ITGB3: variants seen among roughly 807,000 people sequenced by gnomAD.
ITGB3 encodes the protein integrin beta-3.
Under a neutral mutation model 85.8 loss-of-function variants are expected in ITGB3, and 48 were observed. The ratio of observed to expected loss-of-function variants is 0.56; its 90% confidence interval spans 0.44 to 0.71. The LOEUF (loss-of-function observed/expected upper bound fraction) is 0.71, where lower values mean the gene tolerates loss of function less well. Ranked by LOEUF, ITGB3 falls within the 30% of genes least tolerant of loss-of-function variation. The pLI is 0.00. For missense variants in ITGB3, 861 were observed against 1,019.1 expected, an observed-to-expected ratio of 0.84 and a Z score of 2.11; for synonymous variants, 363 against 395.6, an observed-to-expected ratio of 0.92 and a Z score of 0.98.
At chr17:47,278,991 A>C (rs886247172) in intron 2 of ITGB3, among the ~76,000 whole-genome samples, 2 of 152,222 alleles carry the variant, frequency 1.3e-5, no homozygotes, top group African/African-American at 4.8e-5. Context: ...TAGTTAACTT[A>C]TGTTGAGATT....
chr17:47,260,009 T>C (rs1004289747), intron 1 of ITGB3, among the ~76,000 whole-genome samples: 3 of 152,240 alleles, frequency 2.0e-5, no homozygotes, highest in African/African-American at 7.2e-5. Flanking sequence ...TCTATTCCCC[T>C]ATAATGTTCA....
At chr17:47,278,087 G>A (rs566241221) in intron 2 of ITGB3, among the ~76,000 whole-genome samples, 39 of 152,234 alleles carry the variant, frequency 2.6e-4, no homozygotes, top group Middle Eastern at 3.4e-3. Flanking sequence ...AATGCTTCAT[G>A]TTCCTCCCCT....
chr17:47,265,845 T>C (rs1206596539), intron 1 of ITGB3, among the ~76,000 whole-genome samples: 1 of 152,170 alleles, frequency 6.6e-6, no homozygotes, highest in African/African-American at 2.4e-5. Context: ...ATATTCATAG[T>C]GTTAGATTTG....
Position 47,287,192 on chromosome 17 carries a change from T to C in ITGB3, c.900T>C (p.His300=), listed in dbSNP as rs376378154. The change falls in exon 6 of 15, where the codon CAT becomes CAC. Residue 300 remains histidine, a synonymous_variant. Transcript: ENST00000559488. The stretch of plus-strand genomic sequence containing the variant: ...TCCAGCCTAATGACGGGCAGTGTCA[T>C]GTTGGTAGTGACAATCATTACTCTG... ...GIVQPNDGQC[H]VGSDNHYSAS... 263 of 1,613,888 alleles carry C rather than the reference T, an allele frequency of 1.6e-4. No homozygotes were observed. The highest frequency in any genetic ancestry group is 1.2e-4 in the Non-Finnish European group (146 of 1,179,882).
chr17:47,256,484 C>CA (rs397718321), intron 1 of ITGB3, among the ~76,000 whole-genome samples: 3 of 149,144 alleles, frequency 2.0e-5, no homozygotes, highest in East Asian at 2.0e-4. Context: ...CCCCCCCCCC[C>CA]AACCTCACAA....
intron 10 of ITGB3, among the ~76,000 whole-genome samples, chr17:47,295,812 C>G (rs1174854353): frequency 6.6e-6 from 1 of 152,198 alleles, no homozygotes; most frequent in Non-Finnish European, 1.5e-5. Context: ...GCGCACTCCT[C>G]CCCCAGCTGC....
chr17:47,289,479 C>T (rs981405048), intron 6 of ITGB3, among the ~76,000 whole-genome samples: 1 of 152,124 alleles, frequency 6.6e-6, no homozygotes, highest in African/African-American at 2.4e-5. Flanking sequence ...CTTACCACCA[C>T]ATCTGGCAAA....
intron 14 of ITGB3, among the ~76,000 whole-genome samples, chr17:47,309,529 A>G (rs915638235): frequency 6.6e-6 from 1 of 152,154 alleles, no homozygotes; most frequent in African/African-American, 2.4e-5. Context: ...ACAGGGGTGA[A>G]ATAGGAGAGG....
Position 47,312,720 on chromosome 17 carries a change from T to C in ITGB3, c.*2516T>C, listed in dbSNP as rs895780156. ...ACAGGTCTTGAAGACCAATATTATT[T>C]GTCAATATGTGGGGATAACCTGTAG... On this transcript the variant is annotated 3_prime_UTR_variant, in exon 15 of 15. Coordinates refer to ENST00000559488, the MANE Select transcript of ITGB3 (RefSeq NM_000212.3). 1.3e-5 allele frequency among the ~76,000 whole-genome samples: 2 copies of C among 152,216 alleles called. No homozygotes were observed. The highest frequency in any genetic ancestry group is 4.8e-5 in the African/African-American group (2 of 41,458).
rs56173532 is a variant in ITGB3 at position 47,286,399 on chromosome 17, A to G, written c.754A>G (p.Ile252Val). 8.5e-4 allele frequency: 1,376 copies of G among 1,614,204 alleles called. 3 individuals carry two copies. The highest frequency in any genetic ancestry group is 2.0e-3 in the Admixed American group (120 of 60,028). ...TGCCCCAGAGGGTGGCTTTGATGCC[A>G]TCATGCAGGCTACAGTCTGTGATGT... is the stretch of plus-strand genomic sequence containing the variant. ...RDAPEGGFDAIMQATVCDEKI... is the reference protein window; with the variant it reads ...RDAPEGGFDAVMQATVCDEKI... Residue 252 changes from isoleucine to valine, a missense_variant, in exon 5 of 15, where the codon ATC becomes GTC. By Grantham distance (29) the Ile-to-Val change is conservative (BLOSUM62 3). Coordinates refer to ENST00000559488, the MANE Select transcript of ITGB3 (RefSeq NM_000212.3).
chr17:47,287,373 C>G, intron 6 of ITGB3, 142 bp downstream of exon 6: 1 of 827,274 alleles, frequency 1.2e-6, no homozygotes, highest in South Asian at 1.5e-5. Flanking sequence ...GCCCCTATCC[C>G]TTACCAACTG....
At chr17:47,275,693 G>A (rs928281701) in intron 2 of ITGB3, among the ~76,000 whole-genome samples, 11 of 152,232 alleles carry the variant, frequency 7.2e-5, no homozygotes, top group Non-Finnish European at 1.0e-4. Context: ...GTTTATCACC[G>A]GCCAGGAGGG....
intron 5 of ITGB3, 141 bp from the exon 6 acceptor site, chr17:47,286,929 G>A (rs2065104743): frequency 1.3e-6 from 1 of 766,544 alleles, no homozygotes; most frequent in East Asian, 2.7e-5. Context: ...TCCAAGGACT[G>A]GGACTGAGAC....
chr17:47,271,936 A>T (rs548714203), intron 1 of ITGB3, among the ~76,000 whole-genome samples: 1 of 136,844 alleles, frequency 7.3e-6, no homozygotes, highest in South Asian at 2.3e-4. Flanking sequence ...TGTATTTTTA[A>T]TAGAGACGGG....
At chr17:47,301,117 A>C (rs1295708919) in intron 12 of ITGB3, among the ~76,000 whole-genome samples, 1 of 152,218 alleles carries the variant, frequency 6.6e-6, no homozygotes, top group East Asian at 1.9e-4. Context: ...CTTTTGAAAT[A>C]AGACAGACAG....
intron 10 of ITGB3, among the ~76,000 whole-genome samples, chr17:47,298,919 C>G (rs2065155664): frequency 6.6e-6 from 1 of 152,178 alleles, no homozygotes; most frequent in Non-Finnish European, 1.5e-5. Context: ...CTGTGTCAGC[C>G]AAACTAGAAG....
chr17:47,265,751 T>G (rs180890127), intron 1 of ITGB3, among the ~76,000 whole-genome samples: 1 of 152,218 alleles, frequency 6.6e-6, no homozygotes, highest in African/African-American at 2.4e-5. Context: ...TATACACAAA[T>G]GTTTTCCAAT....
intron 1 of ITGB3, among the ~76,000 whole-genome samples, chr17:47,261,570 A>G (rs1202325766): frequency 7.3e-6 from 1 of 137,044 alleles, no homozygotes; most frequent in Non-Finnish European, 1.5e-5. Context: ...CCCAGGCTGG[A>G]GTGCAGTTGT....
intron 1 of ITGB3, among the ~76,000 whole-genome samples, chr17:47,258,601 C>CT (rs2064998547): frequency 6.6e-6 from 1 of 152,020 alleles, no homozygotes; most frequent in African/African-American, 2.4e-5. Flanking sequence ...CCCCCAAGCT[C>CT]TTTTTTTCCC....
Sources: allele counts gnomAD v4.1 joint callset (sites outside exome capture counted in the v4.1 genomes callset), GRCh38; gene constraint gnomAD v4.1.1; transcripts MANE v1.5; gene names NCBI Gene and HGNC (gene_info 2026-07-23, HGNC 2026-07-21).